RARB: variants seen among roughly 807,000 people sequenced by gnomAD.
RARB encodes retinoic acid receptor beta.
In RARB, 17 loss-of-function variants were observed where a neutral mutation model predicts 51.9. The ratio of observed to expected loss-of-function variants is 0.33; its 90% CI spans 0.22 to 0.49. The LOEUF is 0.49. Ranked by LOEUF, RARB falls within the 20% of genes least tolerant of loss-of-function variation. RARB has a pLI of 0.99. For missense variants in RARB, 369 were observed against 550.8 expected (o/e 0.67, Z 3.30); for synonymous variants, 215 against 195.4 (o/e 1.10, Z -0.84).
rs61573718 is a variant in RARB, at chr3:25,511,141, G to GTTT, written c.448+9825_448+9827dup. On this transcript the variant is annotated intron_variant, in intron 3 of 7. Coordinates refer to ENST00000330688, the MANE Select transcript of RARB (RefSeq NM_000965.5). Reference sequence around the variant, plus strand: ...TATTTTTTGTTTTTTGTTTTGGTTTGTTTTTTTTTGAGATGGCGTCTTGCT... The same window carrying GTTT: ...TATTTTTTGTTTTTTGTTTTGGTTTGTTTTTTTTTTTTGAGATGGCGTCTTGCT... 2.9e-4 allele frequency among the ~76,000 whole-genome samples: 44 copies of GTTT among 150,804 alleles called. No homozygotes were observed. In the East Asian group the frequency reaches 3.9e-3, roughly 13 times the overall value.
At chr3:25,153,248 G>C (rs2043619) in intron 4 of RARB, among the ~76,000 whole-genome samples, 110,157 of 151,958 alleles carry the variant, frequency 0.72, 40,363 homozygotes, top group East Asian at 0.79. Flanking sequence ...ATTACACACA[G>C]AGAGAGGCAC....
intron 5 of RARB, among the ~76,000 whole-genome samples, chr3:25,203,920 T>G (rs568970626): frequency 7.4e-4 from 113 of 152,328 alleles, no homozygotes; most frequent in African/African-American, 2.6e-3. Flanking sequence ...GAGTTGCTCT[T>G]CTTGAGGAGT....
At chr3:24,830,789 A>C in intron 1 of RARB, among the ~76,000 whole-genome samples, 1 of 151,870 alleles carries the variant, frequency 6.6e-6, no homozygotes, top group African/African-American at 2.4e-5. Context: ...GGTGAGGCGG[A>C]GCGGAGGATA....
At chr3:25,212,946 G>C (rs949341614) in intron 5 of RARB, among the ~76,000 whole-genome samples, 4 of 152,124 alleles carry the variant, frequency 2.6e-5, no homozygotes, top group African/African-American at 9.7e-5. Flanking sequence ...AGTAAGGAAG[G>C]TCCCTGAGCA....
chr3:25,118,664 T>G (rs921823090), intron 3 of RARB, among the ~76,000 whole-genome samples: 1 of 152,076 alleles, frequency 6.6e-6, no homozygotes, highest in African/African-American at 2.4e-5. Context: ...TCAGCCAAGC[T>G]GAGGGTGAAA....
At chr3:24,969,963 C>T (rs1696357541) in intron 2 of RARB, among the ~76,000 whole-genome samples, 1 of 152,006 alleles carries the variant, frequency 6.6e-6, no homozygotes, top group Admixed American at 6.6e-5. Flanking sequence ...ACACTATATA[C>T]CACGACCGAA....
At chr3:25,304,167 A>G (rs1046611931) in intron 5 of RARB, among the ~76,000 whole-genome samples, 1 of 152,060 alleles carries the variant, frequency 6.6e-6, no homozygotes, top group African/African-American at 2.4e-5. Context: ...CCTAAACAGA[A>G]CTGTCTGGCA....
intron 3 of RARB, among the ~76,000 whole-genome samples, chr3:25,554,655 G>A (rs574128791): frequency 3.9e-5 from 6 of 152,242 alleles, no homozygotes; most frequent in South Asian, 2.1e-4. Context: ...TCACAGTGCC[G>A]GGCACAGAGT....
intron 3 of RARB, among the ~76,000 whole-genome samples, chr3:25,525,049 T>C (rs1442041565): frequency 1.3e-5 from 2 of 152,118 alleles, no homozygotes; most frequent in East Asian, 1.9e-4. Flanking sequence ...TTTTAAAAGG[T>C]CTTCTTTTCT....
chr3:24,909,158 T>C (rs1324233985), intron 2 of RARB, among the ~76,000 whole-genome samples: 2 of 152,138 alleles, frequency 1.3e-5, no homozygotes, highest in African/African-American at 4.8e-5. Context: ...AGCAAGTAAG[T>C]TGTAGATGAG....
chr3:24,890,966 G>A (rs141522383), intron 2 of RARB, among the ~76,000 whole-genome samples: 283 of 152,176 alleles, frequency 1.9e-3, no homozygotes, highest in African/African-American at 6.2e-3. Context: ...GGTATTATTG[G>A]ATAGACACCC....
At chr3:25,216,912 T>G (rs1045668542) in intron 5 of RARB, among the ~76,000 whole-genome samples, 2 of 152,154 alleles carry the variant, frequency 1.3e-5, no homozygotes, top group Non-Finnish European at 2.9e-5. Flanking sequence ...ATTCCCACAC[T>G]GTAGAGTCCC....
intron 5 of RARB, among the ~76,000 whole-genome samples, chr3:25,288,077 A>G (rs1240262471): frequency 6.6e-6 from 1 of 152,148 alleles, no homozygotes; most frequent in Non-Finnish European, 1.5e-5. Context: ...TTAAAGTATC[A>G]AGCTTAGTAT....
intron 5 of RARB, among the ~76,000 whole-genome samples, chr3:25,251,523 A>G (rs1210360503): frequency 1.3e-5 from 2 of 152,100 alleles, no homozygotes; most frequent in African/African-American, 2.4e-5. Context: ...ATCCTCTCCA[A>G]AAGTTGTCCA....
chr3:24,976,810 G>C (rs879491536), intron 2 of RARB, among the ~76,000 whole-genome samples: 2 of 152,198 alleles, frequency 1.3e-5, no homozygotes, highest in East Asian at 3.9e-4. Flanking sequence ...ATTGCTTTTT[G>C]TGTTTTAGAC....
rs114576073 is a variant in RARB, at chr3:25,061,241, C to T, written c.-328+1065C>T. ...AATTTAATTTATTCATCATTTCCTT[C>T]GTTATTATTTTGGGAGAAAGATAAA... On this transcript the variant is annotated intron_variant, in intron 3 of 11. Coordinates refer to the RARB transcript ENST00000383772. 6.9e-3 allele frequency among the ~76,000 whole-genome samples: 1,041 copies of T among 151,806 alleles called. 8 individuals are homozygous for T. The highest frequency in any genetic ancestry group is 0.023 in the African/African-American group (972 of 41,466).
intron 2 of RARB, among the ~76,000 whole-genome samples, chr3:24,947,794 A>G (rs767888935): frequency 1.3e-5 from 2 of 152,216 alleles, no homozygotes; most frequent in Non-Finnish European, 2.9e-5. Flanking sequence ...AGCTGCAATC[A>G]GGTCTCAACA....
chr3:25,499,795 A>G (rs1264353491), intron 2 of RARB, among the ~76,000 whole-genome samples: 1 of 152,194 alleles, frequency 6.6e-6, no homozygotes, highest in Non-Finnish European at 1.5e-5. Context: ...GAGGGAAGGA[A>G]AAGAGAATAC....
At chr3:25,007,678 C>G (rs1187840482) in intron 2 of RARB, among the ~76,000 whole-genome samples, 1 of 149,600 alleles carries the variant, frequency 6.7e-6, no homozygotes, top group Non-Finnish European at 1.5e-5. Flanking sequence ...TTCAAAAGTT[C>G]TAATGAGTAC....
Sources: gnomAD v4.1 joint callset for allele counts (sites outside exome capture counted in the v4.1 genomes callset) on GRCh38, gnomAD v4.1.1 for gene constraint, MANE v1.5 for transcripts, NCBI Gene and HGNC (gene_info 2026-07-23, HGNC 2026-07-21) for gene names.